The following MAF variants were observed in gnomAD, a reference collection of about 807,000 sequenced individuals.
The protein encoded by MAF is MAF bZIP transcription factor, also known as transcription factor Maf.
In MAF, 10 loss-of-function variants were observed where a neutral mutation model predicts 22.0. The observed-to-expected ratio is 0.45, with a 90% CI of 0.28 to 0.77. The LOEUF (loss-of-function observed/expected upper bound fraction) is 0.77, where lower values mean the gene tolerates loss of function less well. Ranked by LOEUF, MAF falls within the 30% of genes least tolerant of loss-of-function variation. MAF has a pLI of 0.12. For synonymous variants in MAF, 337 were observed against 255.8 expected (o/e 1.32, Z -3.03); for missense variants, 544 against 548.4 (o/e 0.99, Z 0.08).
chr16:79,318,595 C>T, the MAF span, among the ~76,000 whole-genome samples: 1 of 152,184 alleles, frequency 6.6e-6, no homozygotes, highest in Non-Finnish European at 1.5e-5. Flanking sequence ...GCTGACAGCC[C>T]TTGGCGCAAC....
At chr16:79,582,592 C>T (rs1005062783), downstream of MAF, among the ~76,000 whole-genome samples, 1 of 152,060 alleles carries the variant, frequency 6.6e-6, no homozygotes, top group Non-Finnish European at 1.5e-5. Context: ...AAACGTTAGC[C>T]AGGCTGTATG....
chr16:79,299,645 CCT>C, the MAF span, among the ~76,000 whole-genome samples: 1 of 152,154 alleles, frequency 6.6e-6, no homozygotes, highest in Non-Finnish European at 1.5e-5. Flanking sequence ...CTGGAGGGCC[CCT>C]GAGACCAGCG....
chr16:79,223,925 A>C, the MAF span, among the ~76,000 whole-genome samples: 1 of 152,214 alleles, frequency 6.6e-6, no homozygotes, highest in Non-Finnish European at 1.5e-5. Flanking sequence ...AAATTCTACC[A>C]GGAGTACAAA....
chr16:79,505,086 C>T, the MAF span, among the ~76,000 whole-genome samples: 1 of 152,284 alleles, frequency 6.6e-6, no homozygotes, highest in Non-Finnish European at 1.5e-5. Flanking sequence ...GCTACGTTTT[C>T]AAACACAGAT....
chr16:79,582,984 G>C (rs16950745), downstream of MAF, among the ~76,000 whole-genome samples: 2,641 of 152,268 alleles, frequency 0.017, 61 homozygotes, highest in South Asian at 0.059. Flanking sequence ...CATGTCTTTT[G>C]TATGGCACCA....
At chr16:79,239,343 C>T in the MAF span, among the ~76,000 whole-genome samples, 3 of 152,030 alleles carry the variant, frequency 2.0e-5, no homozygotes, top group South Asian at 2.1e-4. Context: ...TTTCCTGGGC[C>T]GTGGGACAGT....
chr16:79,577,049 T>C, the MAF span, among the ~76,000 whole-genome samples: 13 of 152,300 alleles, frequency 8.5e-5, no homozygotes, highest in Admixed American at 1.3e-4. Context: ...ATGTGCCATC[T>C]ATTGTTTTTT....
chr16:79,377,358 A>G, the MAF span, among the ~76,000 whole-genome samples: 1 of 152,154 alleles, frequency 6.6e-6, no homozygotes, highest in Non-Finnish European at 1.5e-5. Flanking sequence ...TCCTTCGCCC[A>G]CTTGTTGATG....
chr16:79,470,178 C>T, the MAF span, among the ~76,000 whole-genome samples: 1 of 152,226 alleles, frequency 6.6e-6, no homozygotes, highest in South Asian at 2.1e-4. Context: ...CAATAGATCA[C>T]ATGAGCGGCG....
At chr16:79,453,696 G>C in the MAF span, among the ~76,000 whole-genome samples, 1 of 152,178 alleles carries the variant, frequency 6.6e-6, no homozygotes, top group East Asian at 1.9e-4. Context: ...GGTCACAAGT[G>C]AATTAAGTAG....
chr16:79,211,735 G>A, the MAF span: 80 of 1,614,064 alleles, frequency 5.0e-5, no homozygotes, highest in South Asian at 8.8e-5. Context: ...GAGACGGCCC[G>A]GACCCTGTGG....
At chr16:79,415,497 G>C in the MAF span, among the ~76,000 whole-genome samples, 18 of 152,280 alleles carry the variant, frequency 1.2e-4, no homozygotes, top group African/African-American at 3.6e-4. Flanking sequence ...TATGTGTTGG[G>C]GCAGAAGTCC....
the MAF span, among the ~76,000 whole-genome samples, chr16:79,351,768 A>C: frequency 2.0e-5 from 3 of 152,058 alleles, no homozygotes; most frequent in African/African-American, 7.2e-5. Context: ...TCCAGTGACA[A>C]GTGTCGGGCA....
At chr16:79,299,986 A>C in the MAF span, among the ~76,000 whole-genome samples, 2 of 152,146 alleles carry the variant, frequency 1.3e-5, no homozygotes, top group Non-Finnish European at 2.9e-5. Context: ...CTTACTTGAG[A>C]GCATCAGTGA....
the MAF span, among the ~76,000 whole-genome samples, chr16:79,324,361 AAC>A: frequency 1.3e-5 from 2 of 152,156 alleles, no homozygotes; most frequent in Non-Finnish European, 2.9e-5. Context: ...ATGGATTGAA[AAC>A]ACAATATTTA....
the MAF span, among the ~76,000 whole-genome samples, chr16:79,320,143 G>A: frequency 5.9e-5 from 9 of 152,256 alleles, no homozygotes; most frequent in South Asian, 4.2e-4. Flanking sequence ...CCATGTCCAG[G>A]AGAGTTTGGT....
At position 79,599,192 on chromosome 16, in the gene MAF, C is replaced by CCCG. The variant is rs1555529870; in HGVS notation, c.708_710dup (p.Gly238dup). ...GGGCGCCCCCCGCCCCCGCCGCGCC[C>CCCG]CCGCCGCCTCCGCCGCCGCCGCCGC... is the stretch of plus-strand genomic sequence containing the variant. On this transcript the variant is annotated inframe_insertion, in exon 1 of 2. Transcript: ENST00000326043. 1.9e-3 allele frequency: 1,925 copies of CCCG among 1,026,466 alleles called. 4 individuals carry two copies. Among genetic ancestry groups the CCCG allele is most frequent in the Non-Finnish European group, 2.1e-3 (1,833 of 856,876 alleles). 63.6% of individuals were successfully genotyped at this position (1,026,466 alleles called of 1,614,324 possible). A position where few individuals can be genotyped will look rare whatever the true frequency, so the allele number is the denominator to read the frequency against.
chr16:79,411,625 T>G, the MAF span, among the ~76,000 whole-genome samples: 1 of 152,184 alleles, frequency 6.6e-6, no homozygotes, highest in Non-Finnish European at 1.5e-5. Context: ...CAATTACAAG[T>G]CATTACAAGA....
the MAF span, among the ~76,000 whole-genome samples, chr16:79,339,323 T>A: frequency 6.6e-6 from 1 of 152,110 alleles, no homozygotes; most frequent in Non-Finnish European, 1.5e-5. Context: ...CCTCCCAGAG[T>A]GCTGGGATTA....
Sources: gnomAD v4.1 joint callset for allele counts (sites outside exome capture counted in the v4.1 genomes callset) on GRCh38, gnomAD v4.1.1 for gene constraint, MANE v1.5 for transcripts, NCBI Gene and HGNC (gene_info 2026-07-23, HGNC 2026-07-21) for gene names.